The following KCND3 variants were observed in gnomAD, a reference collection of about 807,000 sequenced individuals.
KCND3 encodes potassium voltage-gated channel subfamily D member 3.
A neutral mutation model predicts 51.1 loss-of-function variants in KCND3; 9 were observed. That is an observed-to-expected ratio of 0.18 (90% CI 0.11 to 0.31). The LOEUF is 0.31. Ranked by LOEUF, KCND3 falls within the 10% of genes least tolerant of loss-of-function variation. KCND3 has a pLI of 1.00. For synonymous variants in KCND3, 349 were observed against 368.0 expected (o/e 0.95, Z 0.59); for missense variants, 526 against 903.8 (o/e 0.58, Z 5.36).
At chr1:111,803,042 G>A (rs1448133348) in intron 2 of KCND3, among the ~76,000 whole-genome samples, 1 of 152,198 alleles carries the variant, frequency 6.6e-6, no homozygotes. Flanking sequence ...TCCTCAGCAG[G>A]GGCCTGGTCT....
chr1:111,928,084 A>T (rs1022143174), intron 2 of KCND3, among the ~76,000 whole-genome samples: 1 of 150,312 alleles, frequency 6.7e-6, no homozygotes, highest in Non-Finnish European at 1.5e-5. Flanking sequence ...ACCACCACTG[A>T]CTTTTTAATT....
chr1:111,942,073 C>T (rs1273588321), intron 2 of KCND3, among the ~76,000 whole-genome samples: 2 of 152,278 alleles, frequency 1.3e-5, no homozygotes, highest in East Asian at 3.9e-4. Flanking sequence ...CTTTTGCCCA[C>T]CTGAACCCTG....
chr1:111,977,606 C>T (rs748618800), intron 2 of KCND3, among the ~76,000 whole-genome samples: 10 of 152,128 alleles, frequency 6.6e-5, no homozygotes, highest in Non-Finnish European at 1.5e-4. Context: ...GAACCCTTCC[C>T]TAGGATACCC....
At chr1:111,799,062 A>G (rs1303580568) in intron 2 of KCND3, among the ~76,000 whole-genome samples, 1 of 152,168 alleles carries the variant, frequency 6.6e-6, no homozygotes, top group African/African-American at 2.4e-5. Flanking sequence ...AGAGAGCTTT[A>G]AGTTGGGCCT....
At chr1:111,779,185 C>T (rs1664262900) in intron 5 of KCND3, among the ~76,000 whole-genome samples, 1 of 152,164 alleles carries the variant, frequency 6.6e-6, no homozygotes, top group African/African-American at 2.4e-5. Flanking sequence ...CGAAGCCAGG[C>T]ATGGTGGTCT....
intron 2 of KCND3, among the ~76,000 whole-genome samples, chr1:111,951,064 G>T (rs1031783607): frequency 1.3e-5 from 2 of 151,200 alleles, no homozygotes; most frequent in Non-Finnish European, 2.9e-5. Context: ...CAGCTACTTG[G>T]GAGGCCGAGG....
At chr1:111,942,320 C>T (rs866221315) in intron 2 of KCND3, among the ~76,000 whole-genome samples, 4 of 152,188 alleles carry the variant, frequency 2.6e-5, no homozygotes, top group East Asian at 3.9e-4. Context: ...TTTTGTGTGG[C>T]GGGGGAGCAA....
intron 2 of KCND3, among the ~76,000 whole-genome samples, chr1:111,940,371 A>G (rs112684401): frequency 0.095 from 14,390 of 152,090 alleles, 692 homozygotes; most frequent in African/African-American, 0.12. Flanking sequence ...TCTTACGTTC[A>G]AGTCTTTAAT....
At position 111,857,685 on chromosome 1, in the gene KCND3, G is replaced by A. The variant is rs115770922; in HGVS notation, c.1107-70579C>T. The stretch of plus-strand genomic sequence containing the variant: ...TACTCCTAGGCTTGCCCCCTTTCTC[G>A]GTGGAAGGTCCTCCCCAGCGCCAGG... On this transcript the variant is annotated intron_variant, in intron 2 of 7. Transcript: ENST00000302127. 4.2e-3 allele frequency among the ~76,000 whole-genome samples: 630 copies of A among 151,550 alleles called. 5 individuals are homozygous for A. Among genetic ancestry groups the A allele is most frequent in the African/African-American group, 0.015 (602 of 41,276 alleles).
In KCND3 at chr1:111,877,926, C is replaced by T. The variant is rs114067127; in HGVS notation, c.1107-90820G>A. Among the ~76,000 whole-genome samples, 344 of 152,272 alleles carry T rather than the reference C, an allele frequency of 2.3e-3. 1 individual carries two copies. The highest frequency in any genetic ancestry group is 7.8e-3 in the African/African-American group (326 of 41,552). Reference sequence around the variant, plus strand: ...GGCAAGAATAATGGCCAACATTTACCGGGGCCCTACTATGTGCAATTCATA... The same window carrying T: ...GGCAAGAATAATGGCCAACATTTACTGGGGCCCTACTATGTGCAATTCATA... On this transcript the variant is annotated intron_variant, in intron 2 of 7. Transcript: ENST00000302127.
At chr1:111,862,014 A>C (rs1037053035) in intron 2 of KCND3, among the ~76,000 whole-genome samples, 1 of 152,170 alleles carries the variant, frequency 6.6e-6, no homozygotes, top group Non-Finnish European at 1.5e-5. Context: ...CCCTGGGCTA[A>C]ACAGACTCCC....
chr1:111,833,904 AG>A (rs1666959641), intron 2 of KCND3, among the ~76,000 whole-genome samples: 1 of 152,228 alleles, frequency 6.6e-6, no homozygotes. Context: ...GTGGGCCTGA[AG>A]GGGACTTATT....
chr1:111,873,221 A>G (rs1192764186), intron 2 of KCND3, among the ~76,000 whole-genome samples: 1 of 152,198 alleles, frequency 6.6e-6, no homozygotes, highest in Non-Finnish European at 1.5e-5. Flanking sequence ...CTCTTCCAGG[A>G]GCTGTGTGCA....
At chr1:111,929,573 A>C (rs1298216290) in intron 2 of KCND3, among the ~76,000 whole-genome samples, 1 of 152,080 alleles carries the variant, frequency 6.6e-6, no homozygotes, top group South Asian at 2.1e-4. Flanking sequence ...GTTGCTTCTC[A>C]CCTCTGAGTA....
intron 2 of KCND3, among the ~76,000 whole-genome samples, chr1:111,891,767 C>T (rs1669831412): frequency 6.6e-6 from 1 of 152,186 alleles, no homozygotes; most frequent in Non-Finnish European, 1.5e-5. Context: ...TAAATATTTG[C>T]TGAGTAAATG....
chr1:111,945,015 T>C (rs755340852), intron 2 of KCND3, among the ~76,000 whole-genome samples: 1 of 151,956 alleles, frequency 6.6e-6, no homozygotes, highest in Non-Finnish European at 1.5e-5. Flanking sequence ...GCCCAACACA[T>C]AGTAGGTCCT....
At chr1:111,845,675 C>A (rs1667514583) in intron 2 of KCND3, among the ~76,000 whole-genome samples, 1 of 152,202 alleles carries the variant, frequency 6.6e-6, no homozygotes. Flanking sequence ...GGAATACTCA[C>A]AACAGCCCTG....
intron 2 of KCND3, among the ~76,000 whole-genome samples, chr1:111,793,600 A>G (rs1664934471): frequency 6.6e-6 from 1 of 152,250 alleles, no homozygotes; most frequent in South Asian, 2.1e-4. Flanking sequence ...CAAAGACTAC[A>G]TGCCTATTAC....
At chr1:111,968,088 G>C (rs1674105518) in intron 2 of KCND3, among the ~76,000 whole-genome samples, 1 of 152,194 alleles carries the variant, frequency 6.6e-6, no homozygotes, top group Non-Finnish European at 1.5e-5. Context: ...CACAATGCGT[G>C]GGGGTGAGAA....
Sources: gnomAD v4.1 joint callset for allele counts (sites outside exome capture counted in the v4.1 genomes callset) on GRCh38, gnomAD v4.1.1 for gene constraint, MANE v1.5 for transcripts, NCBI Gene and HGNC (gene_info 2026-07-23, HGNC 2026-07-21) for gene names.